The following UQCRH variants were observed in gnomAD, a reference collection of about 807,000 sequenced individuals.
UQCRH encodes ubiquinol-cytochrome c reductase hinge protein, also known as cytochrome b-c1 complex subunit 6, mitochondrial.
UQCRH carries 14 observed loss-of-function variants against 16.3 expected under a neutral mutation model. The observed-to-expected ratio is 0.86, with a 90% CI of 0.57 to 1.34. UQCRH has a LOEUF of 1.34. Among genes scored for constraint, UQCRH ranks in the 40% most tolerant of loss-of-function variants. UQCRH has a pLI of 0.00. For missense variants in UQCRH, 89 were observed against 111.9 expected (o/e 0.80, Z 0.92); for synonymous variants, 41 against 41.9 (o/e 0.98, Z 0.08).
chr1:46,307,804 A>C (rs1188761134), intron 1 of UQCRH, among the ~76,000 whole-genome samples: 1 of 152,236 alleles, frequency 6.6e-6, no homozygotes, highest in Non-Finnish European at 1.5e-5. Flanking sequence ...TTAAGCTCTG[A>C]CCAAACAAGG....
intron 2 of UQCRH, chr1:46,309,806 G>C (rs897620723): frequency 1.7e-6 from 2 of 1,193,110 alleles, no homozygotes; most frequent in Admixed American, 3.8e-5. Context: ...TTTCAGACGT[G>C]TCATATTCCA....
intron 3 of UQCRH, 60 bp from the exon 4 acceptor site, chr1:46,316,492 C>T (rs1263884601): frequency 1.2e-6 from 2 of 1,610,898 alleles, no homozygotes; most frequent in Non-Finnish European, 8.5e-7. Context: ...CTTGAAGGAC[C>T]TTGTAAGCCA....
At chr1:46,313,050 C>G (rs1661508948) in intron 3 of UQCRH, among the ~76,000 whole-genome samples, 1 of 152,040 alleles carries the variant, frequency 6.6e-6, no homozygotes, top group Admixed American at 6.6e-5. Context: ...CCTCAAAAGG[C>G]TAAATATACA....
At chr1:46,306,917 C>A (rs78913366) in intron 1 of UQCRH, among the ~76,000 whole-genome samples, 1 of 152,134 alleles carries the variant, frequency 6.6e-6, no homozygotes, top group Non-Finnish European at 1.5e-5. Context: ...CGGGGTCTCA[C>A]TCTTGTCACC....
chr1:46,313,489 C>T (rs998854918), intron 3 of UQCRH, among the ~76,000 whole-genome samples: 3 of 151,976 alleles, frequency 2.0e-5, no homozygotes, highest in Non-Finnish European at 4.4e-5. Context: ...ATTAGCCGGG[C>T]GTGGTGGCGG....
chr1:46,303,713 C>T lies in UQCRH; in HGVS notation c.-54C>T, dbSNP rs528130541. 1.9e-6 allele frequency: 3 copies of T among 1,613,268 alleles called. No individual in the cohort carries two copies. In the Admixed American group the frequency reaches 5.0e-5, roughly 27 times the overall value. ...CTTACAAGTCCTTCTTGATCCTGAA[C>T]TGGGTTAGGTGCCGCTGTTGCTGCT... is the stretch of plus-strand genomic sequence containing the variant. On this transcript the variant is annotated 5_prime_UTR_variant, in exon 1 of 4. Coordinates refer to ENST00000311672, the MANE Select transcript of UQCRH (RefSeq NM_006004.4).
chr1:46,308,953 T>C (rs1442823264), intron 1 of UQCRH, 148 bp from the exon 2 acceptor site: 6 of 990,352 alleles, frequency 6.1e-6, no homozygotes, highest in Non-Finnish European at 9.0e-6. Flanking sequence ...TAGCAAGGCC[T>C]CTAAAATGTA....
chr1:46,310,360 A>G (rs372363433), intron 3 of UQCRH, 44 bp downstream of exon 3: 200 of 1,610,800 alleles, frequency 1.2e-4, no homozygotes, highest in Non-Finnish European at 1.7e-4. Context: ...TGCAATGGTC[A>G]GGGAAGACTT....
chr1:46,304,762 A>G (rs963573487), intron 1 of UQCRH, among the ~76,000 whole-genome samples: 4 of 152,222 alleles, frequency 2.6e-5, no homozygotes, highest in African/African-American at 9.7e-5. Flanking sequence ...AGATGAGGAA[A>G]CAAGCATAGA....
chr1:46,312,252 C>T (rs1661494585), intron 3 of UQCRH, among the ~76,000 whole-genome samples: 1 of 151,764 alleles, frequency 6.6e-6, no homozygotes, highest in Non-Finnish European at 1.5e-5. Context: ...CACGCCACCA[C>T]ACCCAGCTAA....
chr1:46,314,206 A>G (rs1203339396), intron 3 of UQCRH, among the ~76,000 whole-genome samples: 1 of 151,898 alleles, frequency 6.6e-6, no homozygotes, highest in Non-Finnish European at 1.5e-5. Flanking sequence ...CCTGTCTCAA[A>G]ATACAAAAGA....
intron 1 of UQCRH, among the ~76,000 whole-genome samples, chr1:46,308,140 T>C (rs1202875569): frequency 6.6e-6 from 1 of 152,234 alleles, no homozygotes; most frequent in Non-Finnish European, 1.5e-5. Context: ...TTAATGAAAG[T>C]GAGATGGTGT....
chr1:46,307,573 G>T (rs1225823206), intron 1 of UQCRH, among the ~76,000 whole-genome samples: 1 of 152,130 alleles, frequency 6.6e-6, no homozygotes, highest in Non-Finnish European at 1.5e-5. Flanking sequence ...CCAAATTTAG[G>T]CCTAAACTGT....
Position 46,310,254 on chromosome 1 carries a change from T to C in UQCRH, c.181T>C (p.Ser61Pro). The C allele has an allele frequency of 6.2e-7, 1 of 1,614,178 alleles. No individual in the cohort carries two copies. Residue 61 changes from serine to proline, a missense_variant, in exon 3 of 4, where the codon TCA becomes CCA. Physicochemically the swap from Ser to Pro is moderately conservative, Grantham distance 74 (BLOSUM62 -1). Transcript: ENST00000311672. ...CTGTGATGAGCGTGTATCCTCTCGA[T>C]CACATACAGAAGAGGATTGCACGGA... is the stretch of plus-strand genomic sequence containing the variant. ...ELCDERVSSR[S>P]HTEEDCTEEL...
intron 3 of UQCRH, among the ~76,000 whole-genome samples, chr1:46,312,370 G>T (rs900139425): frequency 6.6e-6 from 1 of 152,026 alleles, no homozygotes; most frequent in African/African-American, 2.4e-5. Flanking sequence ...CTTCCAAAGT[G>T]CTGAGATTAC....
intron 1 of UQCRH, among the ~76,000 whole-genome samples, chr1:46,305,040 G>A (rs942836261): frequency 1.3e-5 from 2 of 152,010 alleles, no homozygotes; most frequent in Non-Finnish European, 2.9e-5. Context: ...GAGGCCGGGC[G>A]CAGTGGCTCA....
At chr1:46,313,333 A>AAT (rs1185635956) in intron 3 of UQCRH, among the ~76,000 whole-genome samples, 1 of 151,814 alleles carries the variant, frequency 6.6e-6, no homozygotes, top group Non-Finnish European at 1.5e-5. Flanking sequence ...CTTTACAAAA[A>AAT]ATATATATAT....
Position 46,310,238 on chromosome 1 carries a change from G to T in UQCRH, c.165G>T (p.Glu55Asp). Reference protein sequence around the residue: ...KARERLELCDERVSSRSHTEE... With the variant: ...KARERLELCDDRVSSRSHTEE... ...GGGAGCGGCTAGAGCTCTGTGATGA[G>T]CGTGTATCCTCTCGATCACATACAG... Residue 55 changes from glutamate (E) to aspartate (D), a missense_variant, in exon 3 of 4, where the codon GAG (glutamate) becomes GAT (aspartate). Coordinates refer to ENST00000311672, the MANE Select transcript of UQCRH (RefSeq NM_006004.4). 6.2e-7 allele frequency: 1 copy of T among 1,614,222 alleles called. No individual in the cohort carries two copies. Among genetic ancestry groups the T allele is most frequent in the East Asian group, 2.2e-5 (1 of 44,890 alleles).
chr1:46,311,288 G>C (rs1341733572), intron 3 of UQCRH, among the ~76,000 whole-genome samples: 3 of 150,166 alleles, frequency 2.0e-5, no homozygotes, highest in Non-Finnish European at 3.0e-5. Flanking sequence ...TTGGCCGGGC[G>C]CGGTGGCTCA....
Sources: gnomAD v4.1 joint callset for allele counts (sites outside exome capture counted in the v4.1 genomes callset) on GRCh38, gnomAD v4.1.1 for gene constraint, MANE v1.5 for transcripts, NCBI Gene and HGNC (gene_info 2026-07-23, HGNC 2026-07-21) for gene names.